The following MGAM variants were observed in gnomAD, a reference collection of about 807,000 sequenced individuals.
The protein encoded by MGAM is alpha-1,4-glucosidase.
Under a neutral mutation model 358.8 loss-of-function variants are expected in MGAM, and 253 were observed. The observed-to-expected ratio is 0.71, with a 90% CI of 0.64 to 0.78. MGAM has a LOEUF of 0.78. Among genes scored for constraint, MGAM ranks in the 30% least tolerant of loss-of-function variants. MGAM has a pLI of 0.00. For missense variants in MGAM, 3,080 were observed against 3,432.6 expected (o/e 0.90, Z 2.57); for synonymous variants, 1,105 against 1,227.1 (o/e 0.90, Z 2.08).
intron 2 of MGAM, among the ~76,000 whole-genome samples, chr7:142,007,344 T>C (rs1312736969): frequency 1.3e-5 from 2 of 152,136 alleles, no homozygotes; most frequent in African/African-American, 2.4e-5. Context: ...TTATGCTGAA[T>C]TATCCATGGT....
intron 29 of MGAM, 108 bp from the exon 30 acceptor site, chr7:142,056,722 C>G (rs2129036070): frequency 4.8e-6 from 5 of 1,040,176 alleles, no homozygotes. Flanking sequence ...CCTGCTGTTA[C>G]TACTCTATGA....
chr7:142,053,992 T>A (rs1215721516), intron 26 of MGAM, among the ~76,000 whole-genome samples: 1 of 152,222 alleles, frequency 6.6e-6, no homozygotes, highest in Non-Finnish European at 1.5e-5. Context: ...TGGCCCACTT[T>A]AATTCTCTCT....
intron 57 of MGAM, among the ~76,000 whole-genome samples, chr7:142,088,996 G>GTATGTATGTATCTATC (rs771119657): frequency 0.019 from 2,264 of 117,914 alleles, 102 homozygotes; most frequent in South Asian, 0.071. Flanking sequence ...ATGTATGTAT[G>GTATGTATGTATCTATC]TATCTATCTA....
chr7:142,033,682 G>A (rs1298403929), intron 14 of MGAM, among the ~76,000 whole-genome samples: 1 of 152,154 alleles, frequency 6.6e-6, no homozygotes, highest in Non-Finnish European at 1.5e-5. Context: ...AAGCATGGTA[G>A]TCAGATGATT....
chr7:142,040,072 C>A (rs547400627), intron 19 of MGAM, 43 bp from the exon 20 acceptor site: 109 of 1,442,636 alleles, frequency 7.6e-5, no homozygotes, highest in South Asian at 6.9e-4. Flanking sequence ...AAAAGAAATC[C>A]ATTTTATTTC....
rs772288267 is a variant in MGAM, at chr7:142,038,556, G to T, written c.2257G>T (p.Asp753Tyr). ...HEFYEDNSTW[D>Y]VHQQFLWGPG... ...GTTCTACGAGGACAACAGCACTTGGGATGTGCACCAACAGTTCTTATGGGG... is the reference window on the plus strand; with the variant it reads ...GTTCTACGAGGACAACAGCACTTGGTATGTGCACCAACAGTTCTTATGGGG... The change falls in exon 19 of 71, where the codon GAT becomes TAT. Residue 753 changes from aspartate (D) to tyrosine (Y), a missense_variant. Coordinates refer to ENST00000475668, the MANE Select transcript of MGAM (RefSeq NM_001365693.1). 6.2e-7 allele frequency: 1 copy of T among 1,611,232 alleles called. No individual in the cohort carries two copies. The highest frequency in any genetic ancestry group is 8.5e-7 in the Non-Finnish European group (1 of 1,178,670).
chr7:142,060,413 G>C (rs544254496), intron 34 of MGAM, 40 bp downstream of exon 34: 22 of 1,602,542 alleles, frequency 1.4e-5, no homozygotes, highest in Admixed American at 3.3e-5. Context: ...GTCAGGGTTT[G>C]TAGGCAGGGG....
intron 49 of MGAM, 71 bp from the exon 50 acceptor site, chr7:142,080,720 A>G (rs1814178795): frequency 1.5e-6 from 2 of 1,337,154 alleles, no homozygotes; most frequent in Non-Finnish European, 2.0e-6. Flanking sequence ...TCCAAAAATC[A>G]AAAAGGTTCT....
chr7:142,028,765 A>G (rs1403048778), intron 10 of MGAM, among the ~76,000 whole-genome samples: 3 of 152,150 alleles, frequency 2.0e-5, no homozygotes, highest in Non-Finnish European at 4.4e-5. Flanking sequence ...AAGCCTAGGA[A>G]CACTGAGGAG....
At chr7:142,043,794 A>T (rs1319013601) in intron 21 of MGAM, among the ~76,000 whole-genome samples, 6 of 98,878 alleles carry the variant, frequency 6.1e-5, no homozygotes, top group South Asian at 3.1e-4. Flanking sequence ...ACGACATATA[A>T]TATATACATT....
At chr7:142,062,186 A>G (rs898989335) in intron 34 of MGAM, among the ~76,000 whole-genome samples, 1 of 152,062 alleles carries the variant, frequency 6.6e-6, no homozygotes, top group Non-Finnish European at 1.5e-5. Context: ...TTTCTTCCTA[A>G]CCTATTACCA....
At chr7:142,040,942 T>A in intron 21 of MGAM, 96 bp downstream of exon 21, 1 of 1,446,194 alleles carries the variant, frequency 6.9e-7, no homozygotes, top group Non-Finnish European at 9.3e-7. Flanking sequence ...GTGGTCAGCC[T>A]CTTTGGTTTG....
At chr7:142,071,150 T>C (rs758979212) in intron 44 of MGAM, 32 bp downstream of exon 44, 2 of 1,530,924 alleles carry the variant, frequency 1.3e-6, no homozygotes, top group Non-Finnish European at 1.8e-6. Flanking sequence ...TTCCTTTACA[T>C]TTCAGTTAGC....
At chr7:142,061,573 G>A (rs539080321) in intron 34 of MGAM, among the ~76,000 whole-genome samples, 7 of 152,104 alleles carry the variant, frequency 4.6e-5, no homozygotes, top group Non-Finnish European at 1.5e-5. Context: ...CCCTTTATCT[G>A]TGGTGTATAA....
Position 142,045,157 on chromosome 7 carries a change from TATATA to T in MGAM, c.2499-2622_2499-2618del, listed in dbSNP as rs1313122701. Among the ~76,000 whole-genome samples, 49 of 87,434 alleles carry T rather than the reference TATATA, an allele frequency of 5.6e-4. 1 individual carries two copies. The highest frequency in any genetic ancestry group is 8.6e-4 in the Non-Finnish European group (46 of 53,664). The allele number at this position is 87,434 out of a possible 152,430, so 57.4% of individuals were successfully genotyped here. A position where few individuals can be genotyped will look rare whatever the true frequency, so the allele number is the denominator to read the frequency against. On this transcript the variant is annotated intron_variant, in intron 21 of 70. Coordinates refer to ENST00000475668, the MANE Select transcript of MGAM (RefSeq NM_001365693.1). Reference sequence around the variant, plus strand: ...TGTATATTATATATCATATATGTGATATATAATATATATATTATATAACATATATG... The same window carrying T: ...TGTATATTATATATCATATATGTGATATATATATATTATATAACATATATG...
intron 20 of MGAM, 158 bp from the exon 21 acceptor site, chr7:142,040,564 A>G (rs1334750345): frequency 2.1e-6 from 2 of 949,458 alleles, no homozygotes; most frequent in African/African-American, 3.4e-5. Context: ...AGAACATGTT[A>G]TTCTTGATTT....
chr7:142,060,522 C>T (rs1186110224), intron 34 of MGAM, 149 bp downstream of exon 34: 80 of 914,598 alleles, frequency 8.7e-5, no homozygotes, highest in Non-Finnish European at 1.3e-4. Context: ...TTCTGTATGC[C>T]TATTACTTTA....
chr7:142,103,231 T>G, intron 69 of MGAM, 38 bp from the exon 70 acceptor site: 1 of 1,492,262 alleles, frequency 6.7e-7, no homozygotes, highest in African/African-American at 1.4e-5. Flanking sequence ...TTGAACTAAT[T>G]CTGCTATTAT....
chr7:142,076,427 C>A, intron 46 of MGAM, 175 bp downstream of exon 46: 2 of 875,830 alleles, frequency 2.3e-6, no homozygotes, highest in Non-Finnish European at 3.8e-6. Flanking sequence ...ATTAATATAG[C>A]AAGTAGTGTT....
Sources: allele counts gnomAD v4.1 joint callset (sites outside exome capture counted in the v4.1 genomes callset), GRCh38; gene constraint gnomAD v4.1.1; transcripts MANE v1.5; gene names NCBI Gene and HGNC (gene_info 2026-07-23, HGNC 2026-07-21).